SULF2: variants seen among roughly 807,000 people sequenced by gnomAD.
SULF2 encodes extracellular sulfatase Sulf-2.
A neutral mutation model predicts 107.7 loss-of-function variants in SULF2; 52 were observed. The ratio of observed to expected loss-of-function variants is 0.48; its 90% CI spans 0.39 to 0.61. The LOEUF (loss-of-function observed/expected upper bound fraction) is 0.61. SULF2 is among the 20% of genes least tolerant of loss of function. The probability of loss-of-function intolerance (pLI) is 0.00; values close to 1 mark genes in which losing one functional copy is unlikely to be tolerated. For missense variants in SULF2, 993 were observed against 1,177.3 expected (o/e 0.84, Z 2.29); for synonymous variants, 460 against 464.3 (o/e 0.99, Z 0.12).
At chr20:47,668,385 C>T (rs934037959) in intron 11 of SULF2, among the ~76,000 whole-genome samples, 8 of 152,246 alleles carry the variant, frequency 5.3e-5, no homozygotes, top group Admixed American at 3.3e-4. Context: ...TTCACAGAAG[C>T]GGTATGCCAG....
Position 47,714,366 on chromosome 20 carries a change from C to T in SULF2, c.416-11696G>A, listed in dbSNP as rs2089037801. ...CTGTGATCCATACATCCGTCAATGC[C>T]AGTGGGTCAAGGCTACGCACCATGG... is the stretch of plus-strand genomic sequence containing the variant. On this transcript the variant is annotated intron_variant, in intron 3 of 20. Coordinates refer to ENST00000688720, the MANE Select transcript of SULF2 (RefSeq NM_001387048.1). Among the ~76,000 whole-genome samples, 3 of 152,162 alleles carry T rather than the reference C, an allele frequency of 2.0e-5. No homozygotes were observed. The South Asian group carries it at 6.2e-4, about 32-fold the overall frequency.
At chr20:47,726,411 T>C (rs2089444096) in intron 3 of SULF2, among the ~76,000 whole-genome samples, 1 of 151,810 alleles carries the variant, frequency 6.6e-6, no homozygotes, top group Admixed American at 6.6e-5. Flanking sequence ...ATACAGGTCT[T>C]ACTATGTTGC....
At chr20:47,780,015 C>CTTTTTT (rs74178766) in intron 1 of SULF2, among the ~76,000 whole-genome samples, 3 of 120,494 alleles carry the variant, frequency 2.5e-5, no homozygotes, top group Non-Finnish European at 3.3e-5. Context: ...CCCTAGTTGA[C>CTTTTTT]TTTTTTTTTT....
In SULF2 at chr20:47,690,312, G is replaced by A; in HGVS notation, c.568-17C>T. On this transcript the variant is annotated splice_polypyrimidine_tract_variant and intron_variant, in intron 4 of 20. Coordinates refer to ENST00000688720, the MANE Select transcript of SULF2 (RefSeq NM_001387048.1). ...GAGGTAATCCTGGGGGGTGGGGAGA[G>A]ACAGGAGAACAGGTGAGGAGCCAGG... The A allele has an allele frequency of 6.9e-7, 1 of 1,448,118 alleles. No homozygotes were observed. Among genetic ancestry groups the A allele is most frequent in the Non-Finnish European group, 9.2e-7 (1 of 1,089,286 alleles). 89.7% of individuals were successfully genotyped at this position (1,448,118 alleles called of 1,614,324 possible).
At chr20:47,662,853 GC>G (rs1425176722) in intron 17 of SULF2, among the ~76,000 whole-genome samples, 1 of 146,888 alleles carries the variant, frequency 6.8e-6, no homozygotes, top group East Asian at 2.0e-4. Flanking sequence ...TATTACACAC[GC>G]AGGGTGATGG....
intron 11 of SULF2, among the ~76,000 whole-genome samples, chr20:47,668,332 G>A (rs1181251045): frequency 2.0e-5 from 3 of 152,212 alleles, no homozygotes; most frequent in East Asian, 3.9e-4. Context: ...CTCTGCAGTC[G>A]CAGGGCTGAG....
intron 1 of SULF2, 104 bp downstream of exon 1, chr20:47,785,239 G>C (rs979903952): frequency 6.7e-6 from 1 of 149,158 alleles, no homozygotes; most frequent in African/African-American, 2.4e-5. Context: ...CACCTGGGCG[G>C]CGCTCGCGGC....
intron 18 of SULF2, among the ~76,000 whole-genome samples, chr20:47,661,188 C>G (rs1197715236): frequency 6.6e-6 from 1 of 152,066 alleles, no homozygotes; most frequent in Admixed American, 6.5e-5. Context: ...GTTGGCTGCA[C>G]CCCCTGAGCT....
Position 47,676,468 on chromosome 20 carries a change from G to A in SULF2, c.1380+26C>T, listed in dbSNP as rs368682570. On this transcript the variant is annotated intron_variant, in intron 10 of 20. Transcript: ENST00000688720. ...CCGGCTGCAGTCAGGAGGGGGAGCCGTTGGGAGGGAAGGGAGCCTTCTTAC... is the reference window on the plus strand; with the variant it reads ...CCGGCTGCAGTCAGGAGGGGGAGCCATTGGGAGGGAAGGGAGCCTTCTTAC... 4.0e-5 allele frequency: 64 copies of A among 1,601,264 alleles called. No individual in the cohort carries two copies. The South Asian group carries it at 4.7e-4, about 12-fold the overall frequency.
chr20:47,770,311 T>G (rs112330740), intron 1 of SULF2, among the ~76,000 whole-genome samples: 3 of 152,100 alleles, frequency 2.0e-5, no homozygotes, highest in African/African-American at 7.2e-5. Flanking sequence ...TCCTCTCACC[T>G]CAGCCTCCCA....
intron 1 of SULF2, among the ~76,000 whole-genome samples, chr20:47,768,880 G>GTTTT: frequency 1.7e-5 from 2 of 115,178 alleles, no homozygotes; most frequent in Non-Finnish European, 1.8e-5. Context: ...GTTTGTGTGC[G>GTTTT]TGTTTTTTTT....
At chr20:47,676,990 A>T in intron 9 of SULF2, 88 bp downstream of exon 9, 2 of 1,435,482 alleles carry the variant, frequency 1.4e-6, no homozygotes, top group South Asian at 1.2e-5. Context: ...GCAGCTCCTG[A>T]ATAGCATGAT....
At chr20:47,725,647 G>C (rs1304833293) in intron 3 of SULF2, among the ~76,000 whole-genome samples, 1 of 152,194 alleles carries the variant, frequency 6.6e-6, no homozygotes, top group Non-Finnish European at 1.5e-5. Flanking sequence ...CTGTGGGCCT[G>C]CCCGGTGTTT....
chr20:47,740,673 G>A (rs1422667526), intron 2 of SULF2, among the ~76,000 whole-genome samples: 1 of 152,122 alleles, frequency 6.6e-6, no homozygotes, highest in Non-Finnish European at 1.5e-5. Flanking sequence ...AATTGCAGCC[G>A]ATTTTTAAAA....
intron 10 of SULF2, among the ~76,000 whole-genome samples, chr20:47,674,057 T>C (rs1408395298): frequency 6.6e-6 from 1 of 152,252 alleles, no homozygotes; most frequent in South Asian, 2.1e-4. Flanking sequence ...CCACAGCCTG[T>C]TTTTGTATGG....
intron 1 of SULF2, among the ~76,000 whole-genome samples, chr20:47,759,257 C>T (rs939441337): frequency 2.0e-5 from 3 of 152,196 alleles, no homozygotes; most frequent in African/African-American, 7.2e-5. Flanking sequence ...AAACTTCTTG[C>T]CAGGGCTGCC....
chr20:47,714,628 C>G (rs1013544944), intron 3 of SULF2, among the ~76,000 whole-genome samples: 3 of 152,202 alleles, frequency 2.0e-5, no homozygotes, highest in Non-Finnish European at 2.9e-5. Context: ...TCAAGCCCCC[C>G]ACTCTGTGCA....
At chr20:47,696,452 C>T (rs1436001716) in intron 4 of SULF2, among the ~76,000 whole-genome samples, 3 of 152,130 alleles carry the variant, frequency 2.0e-5, no homozygotes, top group Admixed American at 6.5e-5. Context: ...TGGGAATAAC[C>T]TTTCCAGTGT....
chr20:47,769,587 C>T (rs1385878759), intron 1 of SULF2, among the ~76,000 whole-genome samples: 1 of 152,126 alleles, frequency 6.6e-6, no homozygotes, highest in African/African-American at 2.4e-5. Flanking sequence ...ACGGCCCCAG[C>T]TCCTGGCAGA....
Sources: allele counts gnomAD v4.1 joint callset (sites outside exome capture counted in the v4.1 genomes callset), GRCh38; gene constraint gnomAD v4.1.1; transcripts MANE v1.5; gene names NCBI Gene and HGNC (gene_info 2026-07-23, HGNC 2026-07-21).